PDCD2: variants seen among roughly 807,000 people sequenced by gnomAD.
The protein encoded by PDCD2 is uS5 assembly chaperone PDCD2.
In PDCD2, 38 loss-of-function variants were observed where a neutral mutation model predicts 38.1. That is an observed-to-expected ratio of 1.00 (90% CI 0.77 to 1.31). The LOEUF (loss-of-function observed/expected upper bound fraction) is 1.31. Ranked by LOEUF, PDCD2 falls within the 50% of genes most tolerant of loss-of-function variation. PDCD2 has a pLI of 0.00. For missense variants in PDCD2, 473 were observed against 435.7 expected (o/e 1.09, Z -0.76); for synonymous variants, 205 against 168.9 (o/e 1.21, Z -1.66).
chr6:170,584,631 G>A lies in PDCD2; in HGVS notation c.-50C>T. 3 of 1,112,406 alleles carry A rather than the reference G, an allele frequency of 2.7e-6. No individual in the cohort carries two copies. Among genetic ancestry groups the A allele is most frequent in the Non-Finnish European group, 3.4e-6 (3 of 874,254 alleles). 68.9% of individuals were successfully genotyped at this position (1,112,406 alleles called of 1,614,324 possible). A position where few individuals can be genotyped will look rare whatever the true frequency, so the allele number is the denominator to read the frequency against. On this transcript the variant is annotated 5_prime_UTR_variant, in exon 1 of 6. Coordinates refer to ENST00000541970, the MANE Select transcript of PDCD2 (RefSeq NM_002598.4). Reference sequence around the variant, plus strand: ...GCAGCCCACAGCTGGGTCGGAAGGCGGAAATCGGGCGCCGGGCCGGAAGGC... The same window carrying A: ...GCAGCCCACAGCTGGGTCGGAAGGCAGAAATCGGGCGCCGGGCCGGAAGGC...
chr6:170,582,774 G>A, intron 3 of PDCD2: 1 of 1,278,216 alleles, frequency 7.8e-7, no homozygotes, highest in South Asian at 2.3e-5. Context: ...AAACCGATCT[G>A]CGACCCAGAG....
At chr6:170,580,145 TC>T in intron 3 of PDCD2, 40 bp from the exon 4 acceptor site, 1 of 1,215,156 alleles carries the variant, frequency 8.2e-7, no homozygotes, top group East Asian at 2.3e-5. Flanking sequence ...ACAGGAGTAA[TC>T]CCCACAACTT....
intron 3 of PDCD2, chr6:170,582,189 C>T: frequency 1.3e-6 from 2 of 1,492,418 alleles, no homozygotes; most frequent in Non-Finnish European, 1.8e-6. Context: ...TGGACTTTAA[C>T]TTCCCCAGAT....
At chr6:170,577,812 A>G (rs979479601) in intron 5 of PDCD2, 95 bp from the exon 6 acceptor site, 8 of 1,124,666 alleles carry the variant, frequency 7.1e-6, no homozygotes, top group African/African-American at 1.6e-5. Context: ...TTGGTCTTTC[A>G]ATCCTCATAC....
chr6:170,582,522 G>A (rs1472099309), intron 3 of PDCD2: 7 of 1,351,984 alleles, frequency 5.2e-6, no homozygotes, highest in African/African-American at 2.9e-5. Context: ...CTGCTGTCAC[G>A]ATTTTAATGA....
rs1341197129 is a variant in PDCD2 at position 170,576,551 on chromosome 6, G to C, written c.*1008C>G. 2.0e-5 allele frequency: 3 copies of C among 152,314 alleles called. No homozygotes were observed. Among genetic ancestry groups the C allele is most frequent in the African/African-American group, 7.2e-5 (3 of 41,468 alleles). 9.4% of individuals were successfully genotyped at this position (152,314 alleles called of 1,614,324 possible). On this transcript the variant is annotated 3_prime_UTR_variant, in exon 6 of 6. Coordinates refer to ENST00000541970, the MANE Select transcript of PDCD2 (RefSeq NM_002598.4). ...GAGAACTGGGAATTGTCAACTGTGA[G>C]CTGCTAGGGGATGGAAGAAACCTTA...
rs1178244479 is a variant in PDCD2 at position 170,578,826 on chromosome 6, C to G, written c.876+31G>C. The G allele has an allele frequency of 4.7e-6, 6 of 1,284,786 alleles. No homozygotes were observed. In the South Asian group the frequency reaches 7.1e-5, roughly 15 times the overall value. The allele number at this position is 1,284,786 out of a possible 1,614,324, so 79.6% of individuals were successfully genotyped here. On this transcript the variant is annotated intron_variant, in intron 5 of 5. Coordinates refer to ENST00000541970, the MANE Select transcript of PDCD2 (RefSeq NM_002598.4). Reference sequence around the variant, plus strand: ...TGTTTAAAAACAATCATGGTGATTACACACTAAATGGTCCTTATTTAAGGT... The same window carrying G: ...TGTTTAAAAACAATCATGGTGATTAGACACTAAATGGTCCTTATTTAAGGT...
chr6:170,583,106 C>T lies in PDCD2; in HGVS notation c.609G>A (p.Met203Ile). The T allele has an allele frequency of 6.2e-7, 1 of 1,612,966 alleles. No homozygotes were observed. Among genetic ancestry groups the T allele is most frequent in the Admixed American group, 1.7e-5 (1 of 60,000 alleles). ...EIVIETEDEI[M>I]PEVVEKEDYS... ...AATCTTCCTTTTCCACAACCTCAGGCATAATCTCATCTTCTGTTTCTATTA... is the reference window on the plus strand; with the variant it reads ...AATCTTCCTTTTCCACAACCTCAGGTATAATCTCATCTTCTGTTTCTATTA... Residue 203 changes from methionine to isoleucine, a missense_variant, in exon 3 of 6, where the codon ATG becomes ATA. By Grantham distance (10) the Met-to-Ile change is conservative. Coordinates refer to ENST00000541970, the MANE Select transcript of PDCD2 (RefSeq NM_002598.4).
chr6:170,579,746 GC>G (rs1320086517), intron 4 of PDCD2: 2 of 268,246 alleles, frequency 7.5e-6, no homozygotes, highest in Non-Finnish European at 1.4e-5. Flanking sequence ...CCTGATGCTT[GC>G]TTTAGAAAAT....
chr6:170,579,107 C>G, intron 4 of PDCD2, 137 bp from the exon 5 acceptor site: 1 of 598,234 alleles, frequency 1.7e-6, no homozygotes, highest in South Asian at 2.2e-5. Flanking sequence ...GTTCCCCCAT[C>G]AGACCTGGCT....
chr6:170,582,790 TACCAAGCCTCCAGC>T, intron 3 of PDCD2: 9 of 1,292,174 alleles, frequency 7.0e-6, no homozygotes, highest in Non-Finnish European at 8.8e-6. Context: ...CAGAGGAACT[TACCAAGCCTCCAGC>T]ATCTTGTGCA....
At chr6:170,581,369 T>A (rs537213620) in intron 3 of PDCD2, 1 of 152,244 alleles carries the variant, frequency 6.6e-6, no homozygotes, top group East Asian at 1.9e-4. Context: ...GATTACTGAG[T>A]TTTTTTAAAG....
intron 5 of PDCD2, chr6:170,578,404 G>A (rs1031927194): frequency 1.9e-6 from 1 of 528,430 alleles, no homozygotes. Context: ...GGCAGGGAAG[G>A]ACATTTATCT....
intron 5 of PDCD2, 142 bp from the exon 6 acceptor site, chr6:170,577,859 G>T: frequency 1.4e-6 from 1 of 693,762 alleles, no homozygotes; most frequent in Non-Finnish European, 2.3e-6. Flanking sequence ...CAATTAACAT[G>T]TTTAACAATC....
chr6:170,582,746 A>G, intron 3 of PDCD2: 1 of 1,263,828 alleles, frequency 7.9e-7, no homozygotes, highest in Non-Finnish European at 1.0e-6. Flanking sequence ...CTAGGCACTC[A>G]CACTATCCCG....
At chr6:170,579,838 A>T in intron 4 of PDCD2, 164 bp downstream of exon 4, 1 of 571,036 alleles carries the variant, frequency 1.8e-6, no homozygotes, top group South Asian at 2.2e-5. Context: ...ACCTTTCTAC[A>T]TGGCCCATCT....
At chr6:170,582,104 G>T in intron 3 of PDCD2, 1 of 1,529,806 alleles carries the variant, frequency 6.5e-7, no homozygotes, top group South Asian at 1.2e-5. Context: ...ACACACGCGC[G>T]GCCCCTTCCA....
Position 170,583,093 on chromosome 6 carries a change from C to T in PDCD2, c.622G>A (p.Glu208Lys). 2 of 1,612,746 alleles carry T rather than the reference C, an allele frequency of 1.2e-6. No individual in the cohort carries two copies. The highest frequency in any genetic ancestry group is 1.3e-5 in the African/African-American group (1 of 74,968). The change falls in exon 3 of 6, where the codon GAA becomes AAA. Residue 208 changes from glutamate (E) to lysine (K), a missense_variant. Glu to Lys is a moderately conservative substitution (Grantham distance 56). Transcript: ENST00000541970. ...TEDEIMPEVV[E>K]KEDYSEIIGS... ...ATAATCTCTGAGTAATCTTCCTTTT[C>T]CACAACCTCAGGCATAATCTCATCT...
chr6:170,584,188 T>G (rs1026843631), intron 1 of PDCD2, 111 bp downstream of exon 1: 1 of 1,185,772 alleles, frequency 8.4e-7, no homozygotes, highest in Non-Finnish European at 1.1e-6. Context: ...GAGGGAGCTC[T>G]GAGGCTGGGG....
Sources: gnomAD v4.1 joint callset for allele counts on GRCh38, gnomAD v4.1.1 for gene constraint, MANE v1.5 for transcripts, NCBI Gene and HGNC (gene_info 2026-07-23, HGNC 2026-07-21) for gene names.